The following RAD51D variants were observed in gnomAD, a reference collection of about 807,000 sequenced individuals.
The protein encoded by RAD51D is DNA repair protein RAD51 homolog 4.
A neutral mutation model predicts 44.1 loss-of-function variants in RAD51D; 38 were observed. The ratio of observed to expected loss-of-function variants is 0.86; its 90% CI spans 0.67 to 1.13. The LOEUF (loss-of-function observed/expected upper bound fraction) is 1.13. Ranked by LOEUF, RAD51D falls within the 50% of genes most tolerant of loss-of-function variation. The probability of loss-of-function intolerance (pLI) is 0.00; values close to 1 mark genes in which losing one functional copy is unlikely to be tolerated. For synonymous variants in RAD51D, 141 were observed against 166.6 expected, an observed-to-expected ratio of 0.85 and a Z score of 1.18; for missense variants, 390 against 414.0, an observed-to-expected ratio of 0.94 and a Z score of 0.50.
In RAD51D at chr17:35,095,562, G is replaced by A. The variant is rs2091481619; in HGVS notation, c.*5391C>T. The A allele has an allele frequency of 6.6e-6, 1 of 151,938 alleles. No individual in the cohort carries two copies. The allele number at this position is 151,938 out of a possible 1,614,324, so 9.4% of individuals were successfully genotyped here. On this transcript the variant is annotated 3_prime_UTR_variant, in exon 10 of 10. Transcript: ENST00000345365. ...CCCAGTTCTTTGGGAGGCTGAGGCA[G>A]GCAGATCATCTGAGGTCAGGAGTTC...
chr17:35,119,818 C>T lies in RAD51D; in HGVS notation c.-205G>A, dbSNP rs569244153. ...CGCCCGGGATCCGCCGGGATTCCCG[C>T]GCCCAGAGCCCGCCCGCCGGGTCGC... On this transcript the variant is annotated 5_prime_UTR_variant, in exon 1 of 10. Transcript: ENST00000345365. 74 of 695,308 alleles carry T rather than the reference C, an allele frequency of 1.1e-4. 2 individuals are homozygous for T. In the South Asian group the frequency reaches 1.1e-3, roughly 10 times the overall value. The allele number at this position is 695,308 out of a possible 1,614,324, so 43.1% of individuals were successfully genotyped here.
intron 2 of RAD51D, among the ~76,000 whole-genome samples, 193 bp from the exon 3 acceptor site, chr17:35,118,812 G>T (rs764696017): frequency 6.6e-6 from 1 of 152,116 alleles, no homozygotes; most frequent in Non-Finnish European, 1.5e-5. Flanking sequence ...GCACGATCTC[G>T]GCTCACTGCA....
chr17:35,097,457 A>ATATATATGTGTGTATATATATG lies in RAD51D; in HGVS notation c.*3495_*3496insCATATATATACACACATATATA, dbSNP rs2091494087. ...TATGTGTGTATATATATGTGTGTAT[A>ATATATATGTGTGTATATATATG]TATATATATGTGTGTATATATATGT... On this transcript the variant is annotated 3_prime_UTR_variant, in exon 10 of 10. Coordinates refer to ENST00000345365, the MANE Select transcript of RAD51D (RefSeq NM_002878.4). 6.7e-6 allele frequency: 1 copy of ATATATATGTGTGTATATATATG among 149,358 alleles called. No individual in the cohort carries two copies. The highest frequency in any genetic ancestry group is 2.5e-5 in the African/African-American group (1 of 40,390). The allele number at this position is 149,358 out of a possible 1,614,324, so 9.3% of individuals were successfully genotyped here. A position where few individuals can be genotyped will look rare whatever the true frequency, so the allele number is the denominator to read the frequency against.
rs1305177164 is a variant in RAD51D, at chr17:35,099,963, G to A, written c.*990C>T. The A allele has an allele frequency of 1.9e-5, 10 of 526,850 alleles. No individual in the cohort carries two copies. Among genetic ancestry groups the A allele is most frequent in the African/African-American group, 3.7e-5 (2 of 53,388 alleles). The allele number at this position is 526,850 out of a possible 1,614,324, so 32.6% of individuals were successfully genotyped here. The stretch of plus-strand genomic sequence containing the variant: ...GCAGGAAGAGAGGTGTAATTATATT[G>A]CATCTTGGAGCCACCAGCAATGAAT... On this transcript the variant is annotated 3_prime_UTR_variant, in exon 10 of 10. Coordinates refer to ENST00000345365, the MANE Select transcript of RAD51D (RefSeq NM_002878.4).
intron 3 of RAD51D, among the ~76,000 whole-genome samples, chr17:35,114,180 G>A (rs1362202515): frequency 9.2e-5 from 14 of 152,100 alleles, no homozygotes; most frequent in Admixed American, 9.2e-4. Context: ...GCTGAAGCAG[G>A]AGAATGGCAT....
chr17:35,099,978 CA>C lies in RAD51D; in HGVS notation c.*974del, dbSNP rs778118213. On this transcript the variant is annotated 3_prime_UTR_variant, in exon 10 of 10. Coordinates refer to ENST00000345365, the MANE Select transcript of RAD51D (RefSeq NM_002878.4). The stretch of plus-strand genomic sequence containing the variant: ...TAATTATATTGCATCTTGGAGCCAC[CA>C]GCAATGAATTTCTGCATAAAGGACT... 2 of 527,970 alleles carry C rather than the reference CA, an allele frequency of 3.8e-6. No homozygotes were observed. Among genetic ancestry groups the C allele is most frequent in the South Asian group, 3.1e-5 (2 of 65,104 alleles). The allele number at this position is 527,970 out of a possible 1,614,324, so 32.7% of individuals were successfully genotyped here. A position where few individuals can be genotyped will look rare whatever the true frequency, so the allele number is the denominator to read the frequency against.
In RAD51D at chr17:35,106,444, A is replaced by G. The variant is rs1355491188; in HGVS notation, c.518T>C (p.Phe173Ser). 1 of 1,613,384 alleles carries G rather than the reference A, an allele frequency of 6.2e-7. No homozygotes were observed. Among genetic ancestry groups the G allele is most frequent in the Non-Finnish European group, 8.5e-7 (1 of 1,179,736 alleles). Residue 173 changes from phenylalanine (F) to serine (S), a missense_variant, in exon 6 of 10, where the codon TTT (phenylalanine) becomes TCT (serine). Phe to Ser is a radical substitution (Grantham distance 155, BLOSUM62 -2). Coordinates refer to ENST00000345365, the MANE Select transcript of RAD51D (RefSeq NM_002878.4). ...ALRRIQVVHAFDIFQMLDVLQ... is the reference protein window; with the variant it reads ...ALRRIQVVHASDIFQMLDVLQ... ...CACATCCAGCATCTGGAAGATGTCA[A>G]ATGCATGCACCACCTGGATCCTCCG...
At position 35,101,051 on chromosome 17, in the gene RAD51D, A is replaced by G. The variant is rs2142409572; in HGVS notation, c.904-15T>C. On this transcript the variant is annotated splice_polypyrimidine_tract_variant and intron_variant, in intron 9 of 9. Coordinates refer to ENST00000345365, the MANE Select transcript of RAD51D (RefSeq NM_002878.4). ...AAACCTGTTGGCTGGAAGAAGAAGT[A>G]AGGAGTCAGTGGAGTTAAGCAACCC... 6.2e-7 allele frequency: 1 copy of G among 1,611,364 alleles called. No homozygotes were observed. The highest frequency in any genetic ancestry group is 8.5e-7 in the Non-Finnish European group (1 of 1,177,462).
rs58370746 is a variant in RAD51D at position 35,097,113 on chromosome 17, G to T, written c.*3840C>A. On this transcript the variant is annotated 3_prime_UTR_variant, in exon 10 of 10. Transcript: ENST00000345365. ...GACACTCTGGGGACTCAATGATGTG[G>T]GTGTGAACATATATATATATTTTTT... The T allele has an allele frequency of 1, 152,231 of 152,236 alleles. 76,113 individuals carry two copies. Among genetic ancestry groups the T allele is most frequent in the Middle Eastern group, 1 (294 of 294 alleles). The allele number at this position is 152,236 out of a possible 1,614,324, so 9.4% of individuals were successfully genotyped here. A position where few individuals can be genotyped will look rare whatever the true frequency, so the allele number is the denominator to read the frequency against.
rs1259923060 is a variant in RAD51D at position 35,103,630 on chromosome 17, G to A, written c.577-86C>T. On this transcript the variant is annotated intron_variant, in intron 6 of 9. Transcript: ENST00000345365. The surrounding 1 kb of genome is among the most constrained non-coding windows in gnomAD (Gnocchi z 4.1). ...AAGCTTGCTTTTCTATCTAAAACTA[G>A]TAAGAAATAGCCCCCCCATCCCAAA... The A allele has an allele frequency of 1.5e-5, 15 of 991,016 alleles. No individual in the cohort carries two copies. The highest frequency in any genetic ancestry group is 2.4e-5 in the Non-Finnish European group (15 of 634,764). 61.4% of individuals were successfully genotyped at this position (991,016 alleles called of 1,614,324 possible). A position where few individuals can be genotyped will look rare whatever the true frequency, so the allele number is the denominator to read the frequency against.
Position 35,097,651 on chromosome 17 carries a change from C to G in RAD51D, c.*3302G>C, listed in dbSNP as rs977148391. 22 of 151,960 alleles carry G rather than the reference C, an allele frequency of 1.4e-4. No homozygotes were observed. Among genetic ancestry groups the G allele is most frequent in the Non-Finnish European group, 2.4e-4 (16 of 68,004 alleles). The allele number at this position is 151,960 out of a possible 1,614,324, so 9.4% of individuals were successfully genotyped here. A position where few individuals can be genotyped will look rare whatever the true frequency, so the allele number is the denominator to read the frequency against. On this transcript the variant is annotated 3_prime_UTR_variant, in exon 10 of 10. Transcript: ENST00000345365. ...TATGGAAGGAACCCCTGAGATAGAGCCAGTCCTTTGCTTTTTTAAAATATA... is the reference window on the plus strand; with the variant it reads ...TATGGAAGGAACCCCTGAGATAGAGGCAGTCCTTTGCTTTTTTAAAATATA...
chr17:35,114,530 A>AT (rs1200059140), intron 3 of RAD51D, among the ~76,000 whole-genome samples: 25 of 151,106 alleles, frequency 1.7e-4, no homozygotes, highest in Admixed American at 8.6e-4. Context: ...AAAAAAAAAA[A>AT]TTTTTTTTAA....
At chr17:35,102,384 A>G (rs1011914398) in intron 8 of RAD51D, among the ~76,000 whole-genome samples, 5 of 152,098 alleles carry the variant, frequency 3.3e-5, no homozygotes, top group Admixed American at 3.3e-4. Flanking sequence ...CAAGTGATCC[A>G]CCAGCCTTGG....
Position 35,099,733 on chromosome 17 carries a change from C to G in RAD51D, c.*1220G>C, listed in dbSNP as rs533692463. The G allele has an allele frequency of 3.6e-4, 144 of 402,566 alleles. No homozygotes were observed. Among genetic ancestry groups the G allele is most frequent in the Middle Eastern group, 3.2e-3 (4 of 1,234 alleles). 24.9% of individuals were successfully genotyped at this position (402,566 alleles called of 1,614,324 possible). ...TAACTGATTAATTACACAACAGGCTCTCTAACCAAGAAAGATGACCTTCCT... is the reference window on the plus strand; with the variant it reads ...TAACTGATTAATTACACAACAGGCTGTCTAACCAAGAAAGATGACCTTCCT... On this transcript the variant is annotated 3_prime_UTR_variant, in exon 10 of 10. Transcript: ENST00000345365.
chr17:35,111,354 CAAA>C (rs60278898), intron 3 of RAD51D, among the ~76,000 whole-genome samples: 8 of 127,366 alleles, frequency 6.3e-5, no homozygotes, highest in Admixed American at 7.9e-5. Context: ...AACTCCATCT[CAAA>C]AAAAAAAAAA....
chr17:35,109,962 T>G (rs1450575453), intron 3 of RAD51D, among the ~76,000 whole-genome samples: 3 of 113,786 alleles, frequency 2.6e-5, no homozygotes, highest in African/African-American at 1.2e-4. Context: ...CCACCACGCC[T>G]GGCTTTTTTT....
In RAD51D at chr17:35,094,370, G is replaced by A. The variant is rs1408785551; in HGVS notation, c.*6583C>T. On this transcript the variant is annotated 3_prime_UTR_variant, in exon 10 of 10. Coordinates refer to ENST00000345365, the MANE Select transcript of RAD51D (RefSeq NM_002878.4). ...ACCCACCTCAGCCTCCCAGAGCGCT[G>A]AGATGACAGGCGTGAGCCACCACGC... 2.6e-5 allele frequency: 4 copies of A among 152,256 alleles called. No individual in the cohort carries two copies. The South Asian group carries it at 6.2e-4, about 24-fold the overall frequency. 9.4% of individuals were successfully genotyped at this position (152,256 alleles called of 1,614,324 possible). A position where few individuals can be genotyped will look rare whatever the true frequency, so the allele number is the denominator to read the frequency against.
chr17:35,117,787 C>A (rs2091767513), intron 3 of RAD51D, among the ~76,000 whole-genome samples: 1 of 152,186 alleles, frequency 6.6e-6, no homozygotes, highest in Admixed American at 6.5e-5. Flanking sequence ...CAGGTATGAG[C>A]ACTGCATCTG....
intron 6 of RAD51D, chr17:35,106,051 A>G (rs1452785787): frequency 6.3e-6 from 3 of 477,260 alleles, no homozygotes; most frequent in Non-Finnish European, 1.2e-5. Context: ...CTCATGTGAC[A>G]TAATTAAATG....
Sources: gnomAD v4.1 joint callset for allele counts (sites outside exome capture counted in the v4.1 genomes callset) on GRCh38, gnomAD v4.1.1 for gene constraint, Gnocchi (gnomAD v3.1) non-coding constraint, MANE v1.5 for transcripts, NCBI Gene and HGNC (gene_info 2026-07-23, HGNC 2026-07-21) for gene names.